The following TMEM39B variants were observed in gnomAD, a reference collection of about 807,000 sequenced individuals.
TMEM39B encodes transmembrane protein 39B.
Under a neutral mutation model 52.2 loss-of-function variants are expected in TMEM39B, and 23 were observed. The observed-to-expected ratio is 0.44, with a 90% CI of 0.32 to 0.62. The LOEUF is 0.62. Ranked by LOEUF, TMEM39B falls within the 20% of genes least tolerant of loss-of-function variation. TMEM39B has a pLI of 0.06. For synonymous variants in TMEM39B, 285 were observed against 264.0 expected (o/e 1.08, Z -0.77); for missense variants, 547 against 642.0 (o/e 0.85, Z 1.60).
intron 8 of TMEM39B, among the ~76,000 whole-genome samples, chr1:32,101,098 GAGA>G (rs1054412279): frequency 7.4e-4 from 112 of 152,160 alleles, no homozygotes; most frequent in African/African-American, 2.6e-3. Context: ...GACAGAGGGA[GAGA>G]AGATGATACA....
intron 5 of TMEM39B, among the ~76,000 whole-genome samples, chr1:32,084,262 G>C (rs1640242825): frequency 6.6e-6 from 1 of 151,858 alleles, no homozygotes; most frequent in Non-Finnish European, 1.5e-5. Flanking sequence ...CCTTCTCCCT[G>C]CTTCCCCCTA....
chr1:32,077,212 C>G lies in TMEM39B; in HGVS notation c.484C>G (p.Leu162Val), dbSNP rs1639901126. ...CCTCTTTCGCTCCATCCTGCTGTTC[C>G]TCACTCGCTTCACCGTTCTCACGGC... ...VSLFRSILLF[L>V]TRFTVLTATG... Residue 162 changes from leucine to valine, a missense_variant, in exon 5 of 9, where the codon CTC (leucine) becomes GTC (valine). Coordinates refer to ENST00000336294, the MANE Select transcript of TMEM39B (RefSeq NM_018056.4). 6.2e-7 allele frequency: 1 copy of G among 1,614,184 alleles called. No homozygotes were observed. The highest frequency in any genetic ancestry group is 1.3e-5 in the African/African-American group (1 of 75,054).
chr1:32,090,671 G>A (rs1310853670), intron 5 of TMEM39B, among the ~76,000 whole-genome samples: 1 of 151,670 alleles, frequency 6.6e-6, no homozygotes, highest in South Asian at 2.1e-4. Context: ...ACGGAGTCTC[G>A]CTCTGTCGCC....
intron 7 of TMEM39B, among the ~76,000 whole-genome samples, chr1:32,098,406 G>C (rs2124499667): frequency 6.6e-6 from 1 of 152,134 alleles, no homozygotes; most frequent in African/African-American, 2.4e-5. Context: ...CCAGGCCCTT[G>C]GGATTCCTGG....
intron 4 of TMEM39B, 94 bp from the exon 5 acceptor site, chr1:32,077,070 G>C: frequency 6.5e-7 from 1 of 1,542,366 alleles, no homozygotes; most frequent in Non-Finnish European, 8.8e-7. Flanking sequence ...ACCTCTCCCT[G>C]GGTGGGATCA....
Position 32,102,756 on chromosome 1 carries a change from G to C in TMEM39B, c.*83G>C, listed in dbSNP as rs1185553558. ...GGGCTGTTGGGTAGAAGTGGTGGTG[G>C]GGGGGACAAAAGACAAAAAAATCCA... On this transcript the variant is annotated 3_prime_UTR_variant, in exon 9 of 9. Coordinates refer to ENST00000336294, the MANE Select transcript of TMEM39B (RefSeq NM_018056.4). The C allele has an allele frequency of 2.2e-6, 3 of 1,380,944 alleles. No homozygotes were observed. The African/African-American group carries it at 4.4e-5, about 20-fold the overall frequency. 85.5% of individuals were successfully genotyped at this position (1,380,944 alleles called of 1,614,324 possible).
At chr1:32,081,895 A>G (rs1189869139) in intron 5 of TMEM39B, among the ~76,000 whole-genome samples, 3 of 152,132 alleles carry the variant, frequency 2.0e-5, no homozygotes, top group African/African-American at 7.2e-5. Context: ...AGAGGTAATT[A>G]TCAATGTTTT....
In TMEM39B at chr1:32,073,281, G is replaced by A. The variant is rs979252832; in HGVS notation, c.4+230G>A. ...GCTTCTAAGACGAAGCCCTGTGGGGGCTTGGGCTTTCGTGAGGACCAGCTC... is the reference window on the plus strand; with the variant it reads ...GCTTCTAAGACGAAGCCCTGTGGGGACTTGGGCTTTCGTGAGGACCAGCTC... On this transcript the variant is annotated intron_variant, in intron 1 of 8. Transcript: ENST00000336294. The A allele has an allele frequency of 1.1e-4, 60 of 553,208 alleles. No homozygotes were observed. In the Admixed American group the frequency reaches 1.6e-3, roughly 15 times the overall value. The allele number at this position is 553,208 out of a possible 1,614,324, so 34.3% of individuals were successfully genotyped here. A position where few individuals can be genotyped will look rare whatever the true frequency, so the allele number is the denominator to read the frequency against.
chr1:32,083,566 G>A lies in TMEM39B; in HGVS notation c.590+6248G>A, dbSNP rs193167093. On this transcript the variant is annotated intron_variant, in intron 5 of 8. Coordinates refer to ENST00000336294, the MANE Select transcript of TMEM39B (RefSeq NM_018056.4). Reference sequence around the variant, plus strand: ...GCCTCCCGAGTAGCTGGGACTACACGCGCCCGCCACCACGCCTGGCTAATT... The same window carrying A: ...GCCTCCCGAGTAGCTGGGACTACACACGCCCGCCACCACGCCTGGCTAATT... Among the ~76,000 whole-genome samples the A allele has an allele frequency of 1.5e-3, 226 of 151,268 alleles. 2 individuals carry two copies. The East Asian group carries it at 0.037, about 25-fold the overall frequency.
intron 3 of TMEM39B, 25 bp downstream of exon 3, chr1:32,075,847 T>C (rs1639831662): frequency 7.8e-7 from 1 of 1,278,204 alleles, no homozygotes; most frequent in South Asian, 1.4e-5. Flanking sequence ...AGGGTGTGTG[T>C]GTGTGTGTGT....
intron 1 of TMEM39B, among the ~76,000 whole-genome samples, chr1:32,074,120 G>A (rs892930090): frequency 2.6e-5 from 4 of 151,988 alleles, no homozygotes; most frequent in African/African-American, 9.7e-5. Context: ...TGGGAGCTTG[G>A]GCTAGACTGC....
intron 7 of TMEM39B, among the ~76,000 whole-genome samples, chr1:32,099,088 A>G (rs1410654589): frequency 1.3e-5 from 2 of 152,068 alleles, no homozygotes; most frequent in Admixed American, 6.6e-5. Context: ...CCGTCTCTAC[A>G]AAAAATACAG....
At chr1:32,084,182 A>G (rs910128249) in intron 5 of TMEM39B, among the ~76,000 whole-genome samples, 6 of 152,246 alleles carry the variant, frequency 3.9e-5, no homozygotes, top group African/African-American at 1.4e-4. Flanking sequence ...CAAAAGAATG[A>G]TGAGCCTTCA....
upstream of TMEM39B, chr1:32,072,770 C>T (rs974994384): frequency 7.7e-6 from 4 of 520,372 alleles, no homozygotes; most frequent in Non-Finnish European, 1.4e-5. Flanking sequence ...GGGTTCCGTT[C>T]CCCTCCCTCT....
intron 3 of TMEM39B, 52 bp from the exon 4 acceptor site, chr1:32,076,711 C>T: frequency 1.3e-6 from 2 of 1,581,202 alleles, no homozygotes; most frequent in Non-Finnish European, 1.7e-6. Flanking sequence ...TGAAAAAAGC[C>T]TGCATATGGG....
chr1:32,102,343 T>C, intron 8 of TMEM39B, 88 bp from the exon 9 acceptor site: 1 of 1,540,522 alleles, frequency 6.5e-7, no homozygotes, highest in Non-Finnish European at 8.8e-7. Flanking sequence ...CAGGAGGCTG[T>C]CCCCTTCACT....
chr1:32,073,085 G>A, intron 1 of TMEM39B, 34 bp downstream of exon 1: 2 of 1,451,898 alleles, frequency 1.4e-6, no homozygotes, highest in Non-Finnish European at 1.8e-6. Context: ...GCCTGGCAAC[G>A]AGCGGGCGCA....
At chr1:32,083,177 C>G (rs1188280482) in intron 5 of TMEM39B, among the ~76,000 whole-genome samples, 2 of 149,254 alleles carry the variant, frequency 1.3e-5, no homozygotes, top group Non-Finnish European at 3.0e-5. Flanking sequence ...CTCCGCCTCC[C>G]AAGTTCAAGT....
At chr1:32,102,371 C>T in intron 8 of TMEM39B, 60 bp from the exon 9 acceptor site, 1 of 1,574,850 alleles carries the variant, frequency 6.3e-7, no homozygotes, top group Non-Finnish European at 8.6e-7. Context: ...CCAGAACCCC[C>T]ATCCAGGAGG....
Sources: gnomAD v4.1 joint callset for allele counts (sites outside exome capture counted in the v4.1 genomes callset) on GRCh38, gnomAD v4.1.1 for gene constraint, MANE v1.5 for transcripts, NCBI Gene and HGNC (gene_info 2026-07-23, HGNC 2026-07-21) for gene names.